Variants in DDX10 observed in about 807,000 individuals in gnomAD.
The protein encoded by DDX10 is probable ATP-dependent RNA helicase DDX10.
In DDX10, 74 loss-of-function variants were observed where a neutral mutation model predicts 104.3. That is an observed-to-expected ratio of 0.71 (90% confidence interval 0.59 to 0.86). DDX10 has a LOEUF of 0.86. DDX10 is among the 40% of genes least tolerant of loss of function. The pLI is 0.00. For synonymous variants in DDX10, 351 were observed against 353.4 expected (o/e 0.99, Z 0.08); for missense variants, 952 against 1,040.0 (o/e 0.92, Z 1.16).
intron 17 of DDX10, among the ~76,000 whole-genome samples, chr11:108,937,829 C>A (rs1002273976): frequency 1.3e-5 from 2 of 152,134 alleles, no homozygotes; most frequent in Non-Finnish European, 2.9e-5. Flanking sequence ...TGAGTTAAGC[C>A]ATGCTTTTGC....
chr11:108,854,384 A>C (rs935288056), intron 16 of DDX10, among the ~76,000 whole-genome samples: 4 of 152,226 alleles, frequency 2.6e-5, no homozygotes, highest in Non-Finnish European at 5.9e-5. Flanking sequence ...GTTTTTGAGT[A>C]AACTTTGTCT....
chr11:108,933,813 G>A (rs1864004216), intron 17 of DDX10, among the ~76,000 whole-genome samples: 1 of 152,138 alleles, frequency 6.6e-6, no homozygotes, highest in Non-Finnish European at 1.5e-5. Context: ...TTTTAGTTAG[G>A]GAGCATTCTT....
At chr11:108,751,593 A>G (rs946936523) in intron 13 of DDX10, among the ~76,000 whole-genome samples, 3 of 152,228 alleles carry the variant, frequency 2.0e-5, no homozygotes, top group Non-Finnish European at 4.4e-5. Context: ...GCCTGTAGAC[A>G]TTATCAGACT....
chr11:108,871,643 T>A (rs1222936696), intron 16 of DDX10, among the ~76,000 whole-genome samples: 1 of 152,152 alleles, frequency 6.6e-6, no homozygotes, highest in Non-Finnish European at 1.5e-5. Flanking sequence ...GAAATTGAGC[T>A]TTGGGCTGGG....
intron 10 of DDX10, among the ~76,000 whole-genome samples, chr11:108,712,941 AGTTCC>A (rs894448209): frequency 3.0e-4 from 46 of 152,236 alleles, no homozygotes; most frequent in African/African-American, 1.0e-3. Flanking sequence ...TGGGATACAG[AGTTCC>A]AGGCTGGTGG....
chr11:108,900,076 C>T (rs1271246478), intron 16 of DDX10, among the ~76,000 whole-genome samples: 1 of 151,828 alleles, frequency 6.6e-6, no homozygotes, highest in Non-Finnish European at 1.5e-5. Context: ...TGCGTCACTG[C>T]ACTCCAGCCT....
intron 10 of DDX10, among the ~76,000 whole-genome samples, chr11:108,711,636 G>A (rs963448380): frequency 6.6e-6 from 1 of 152,134 alleles, no homozygotes; most frequent in Admixed American, 6.6e-5. Context: ...CCTGGCCTCT[G>A]TTATTTCTAG....
At chr11:108,833,404 A>G (rs759801735) in intron 13 of DDX10, among the ~76,000 whole-genome samples, 3 of 152,162 alleles carry the variant, frequency 2.0e-5, no homozygotes, top group Non-Finnish European at 4.4e-5. Context: ...CTGCGTCCTC[A>G]CTATGTAGTA....
rs1279107375 is a variant in DDX10, at chr11:108,701,268, G to A, written c.1224-5471G>A. On this transcript the variant is annotated intron_variant, in intron 9 of 17. Transcript: ENST00000322536. ...AGTTGGACTCAGATCCCTTATGGCT[G>A]TCTTTCTGCACCTGCATAACAGACT... Among the ~76,000 whole-genome samples, 9 of 152,086 alleles carry A rather than the reference G, an allele frequency of 5.9e-5. 1 individual carries two copies. Among genetic ancestry groups the A allele is most frequent in the Non-Finnish European group, 1.5e-5 (1 of 68,016 alleles).
At chr11:108,767,773 A>G (rs989378179) in intron 13 of DDX10, among the ~76,000 whole-genome samples, 1 of 152,196 alleles carries the variant, frequency 6.6e-6, no homozygotes, top group Non-Finnish European at 1.5e-5. Context: ...CTTGAATAAC[A>G]TAGGTTTGAA....
chr11:108,918,149 G>T (rs1863777377), intron 17 of DDX10, 131 bp downstream of exon 17: 1 of 881,582 alleles, frequency 1.1e-6, no homozygotes, highest in Non-Finnish European at 1.8e-6. Flanking sequence ...CCTTTACTTA[G>T]ATTCCTGGAA....
At chr11:108,763,485 A>T (rs1273160078) in intron 13 of DDX10, among the ~76,000 whole-genome samples, 1 of 152,200 alleles carries the variant, frequency 6.6e-6, no homozygotes, top group African/African-American at 2.4e-5. Flanking sequence ...GTGGCCAGAG[A>T]TGTGGGGGGA....
chr11:108,915,054 C>T (rs1863729031), intron 16 of DDX10, among the ~76,000 whole-genome samples: 1 of 151,976 alleles, frequency 6.6e-6, no homozygotes, highest in African/African-American at 2.4e-5. Flanking sequence ...TATACATGTG[C>T]TTGGAGTCCT....
chr11:108,708,571 ATTT>A (rs202129373), intron 10 of DDX10, among the ~76,000 whole-genome samples: 1 of 143,366 alleles, frequency 7.0e-6, no homozygotes. Flanking sequence ...TGTTCATAGT[ATTT>A]TTTTTTTTTT....
rs548479509 is a variant in DDX10 at position 108,815,102 on chromosome 11, A to C, written c.1966-23344A>C. 7.2e-5 allele frequency among the ~76,000 whole-genome samples: 11 copies of C among 152,310 alleles called. No homozygotes were observed. In the South Asian group the frequency reaches 2.3e-3, roughly 32 times the overall value. On this transcript the variant is annotated intron_variant, in intron 13 of 17. Transcript: ENST00000322536. The stretch of plus-strand genomic sequence containing the variant: ...CCATTCATTTACTCTTCTGCTGAAA[A>C]TTTGAAAAATAAATACATAACAAAG...
At chr11:108,781,950 G>T (rs1011585391) in intron 13 of DDX10, among the ~76,000 whole-genome samples, 1 of 152,158 alleles carries the variant, frequency 6.6e-6, no homozygotes, top group South Asian at 2.1e-4. Context: ...GAGCACAGCC[G>T]TCAGAAGAGA....
chr11:108,903,820 C>A (rs1202331206), intron 16 of DDX10, among the ~76,000 whole-genome samples: 2 of 152,022 alleles, frequency 1.3e-5, no homozygotes, highest in African/African-American at 4.8e-5. Context: ...TATCTAGTTA[C>A]CATTTATAGG....
chr11:108,894,881 A>G (rs1293374195), intron 16 of DDX10, among the ~76,000 whole-genome samples: 1 of 152,010 alleles, frequency 6.6e-6, no homozygotes, highest in East Asian at 1.9e-4. Flanking sequence ...TGGAAAGAGT[A>G]TTATAAGTGA....
At chr11:108,689,708 G>A (rs910046789) in intron 7 of DDX10, among the ~76,000 whole-genome samples, 11 of 152,176 alleles carry the variant, frequency 7.2e-5, no homozygotes, top group Non-Finnish European at 1.3e-4. Context: ...AAGGGACTAC[G>A]GTCTTTGTGC....
Sources: allele counts gnomAD v4.1 joint callset (sites outside exome capture counted in the v4.1 genomes callset), GRCh38; gene constraint gnomAD v4.1.1; transcripts MANE v1.5; gene names NCBI Gene and HGNC (gene_info 2026-07-23, HGNC 2026-07-21).